TPH2: variants seen among roughly 807,000 people sequenced by gnomAD.
The protein encoded by TPH2 is tryptophan 5-hydroxylase 2.
A neutral mutation model predicts 59.1 loss-of-function variants in TPH2; 27 were observed. The ratio of observed to expected loss-of-function variants is 0.46; its 90% CI spans 0.34 to 0.63. TPH2 has a LOEUF of 0.63. Ranked by LOEUF, TPH2 falls within the 30% of genes least tolerant of loss-of-function variation. TPH2 has a pLI of 0.01. For missense variants in TPH2, 523 were observed against 588.3 expected, an observed-to-expected ratio of 0.89 and a Z score of 1.15; for synonymous variants, 220 against 210.5, an observed-to-expected ratio of 1.05 and a Z score of -0.39.
chr12:71,979,177 C>T, intron 7 of TPH2, 90 bp downstream of exon 7: 1 of 1,550,588 alleles, frequency 6.4e-7, no homozygotes, highest in Non-Finnish European at 8.9e-7. Flanking sequence ...TGTTTTACCT[C>T]CAAACTAATT....
Position 72,017,765 on chromosome 12 carries a change from T to C in TPH2, c.1069-4634T>C, listed in dbSNP as rs75935987. ...TGGAGAATTATCTGAGGAAACCAAA[T>C]TATATTTTCTTAAACGTTCATGAAG... On this transcript the variant is annotated intron_variant, in intron 8 of 10. Transcript: ENST00000333850. Among the ~76,000 whole-genome samples the C allele has an allele frequency of 5.6e-3, 852 of 152,340 alleles. 9 individuals carry two copies. The highest frequency in any genetic ancestry group is 9.6e-3 in the Non-Finnish European group (653 of 68,034).
At chr12:72,026,387 T>A (rs1873568822) in intron 9 of TPH2, among the ~76,000 whole-genome samples, 1 of 152,210 alleles carries the variant, frequency 6.6e-6, no homozygotes, top group African/African-American at 2.4e-5. Flanking sequence ...ATAGCTATTA[T>A]CAAGCTTGAA....
At chr12:71,972,941 T>C (rs1180217446) in intron 6 of TPH2, among the ~76,000 whole-genome samples, 2 of 152,198 alleles carry the variant, frequency 1.3e-5, no homozygotes, top group Non-Finnish European at 2.9e-5. Flanking sequence ...GGCTGGTTGT[T>C]GTAAATGGTA....
intron 6 of TPH2, among the ~76,000 whole-genome samples, chr12:71,973,194 G>T (rs951328627): frequency 6.6e-6 from 1 of 152,148 alleles, no homozygotes; most frequent in African/African-American, 2.4e-5. Flanking sequence ...TAGGGGCTGG[G>T]TAGAATCAGG....
At chr12:71,950,438 G>T (rs1382908771) in intron 5 of TPH2, among the ~76,000 whole-genome samples, 1 of 152,088 alleles carries the variant, frequency 6.6e-6, no homozygotes, top group Admixed American at 6.6e-5. Flanking sequence ...CAGAGTGGGG[G>T]TTACAAGGTG....
At chr12:72,029,596 C>T (rs1184793096) in intron 9 of TPH2, among the ~76,000 whole-genome samples, 1 of 152,142 alleles carries the variant, frequency 6.6e-6, no homozygotes, top group Non-Finnish European at 1.5e-5. Context: ...CCTTGATGTT[C>T]ACTGCCCTGC....
At chr12:72,021,078 T>A (rs4430554) in intron 8 of TPH2, among the ~76,000 whole-genome samples, 80,110 of 152,006 alleles carry the variant, frequency 0.53, 22,420 homozygotes, top group Non-Finnish European at 0.64. Flanking sequence ...CTTAACACCT[T>A]CAGTGCTCTA....
intron 5 of TPH2, chr12:71,964,804 G>A (rs904717736): frequency 1.1e-6 from 1 of 931,062 alleles, no homozygotes; most frequent in Non-Finnish European, 1.3e-6. Context: ...TTTACTTTAG[G>A]TTTAGGGGTA....
intron 5 of TPH2, among the ~76,000 whole-genome samples, chr12:71,968,599 G>T (rs1224829980): frequency 6.6e-6 from 1 of 152,218 alleles, no homozygotes; most frequent in Non-Finnish European, 1.5e-5. Context: ...TAAGGGTCCG[G>T]TTGGGAAAGA....
In TPH2 at chr12:72,007,880, G is replaced by A. The variant is rs182087668; in HGVS notation, c.1068+13315G>A. On this transcript the variant is annotated intron_variant, in intron 8 of 10. Coordinates refer to ENST00000333850, the MANE Select transcript of TPH2 (RefSeq NM_173353.4). ...TTTGCTTCTTTGGAAAGATGTTCTA[G>A]CAAAGGCACACTCTTATTGTATTCC... Among the ~76,000 whole-genome samples the A allele has an allele frequency of 2.5e-3, 385 of 152,096 alleles. 2 individuals carry two copies. The highest frequency in any genetic ancestry group is 8.8e-3 in the African/African-American group (365 of 41,462).
At chr12:72,021,639 A>G (rs1036391268) in intron 8 of TPH2, among the ~76,000 whole-genome samples, 1 of 152,140 alleles carries the variant, frequency 6.6e-6, no homozygotes, top group Admixed American at 6.6e-5. Flanking sequence ...CTAAGCTAGG[A>G]TGTTCAGCAG....
chr12:71,949,510 C>A, intron 4 of TPH2, 78 bp from the exon 5 acceptor site: 1 of 1,197,858 alleles, frequency 8.3e-7, no homozygotes, highest in Non-Finnish European at 1.2e-6. Context: ...ACTCAGACAC[C>A]ACAGTGATTT....
chr12:72,012,752 T>C (rs3903502), intron 8 of TPH2, among the ~76,000 whole-genome samples: 87,043 of 151,996 alleles, frequency 0.57, 25,141 homozygotes, highest in South Asian at 0.68. Flanking sequence ...ATGACATTCC[T>C]GTTAGTCCTT....
chr12:71,968,178 CAT>C (rs1243069437), intron 5 of TPH2, among the ~76,000 whole-genome samples: 1 of 152,160 alleles, frequency 6.6e-6, no homozygotes, highest in East Asian at 1.9e-4. Context: ...TGGTGTTAGG[CAT>C]AGTTTTCCTG....
intron 1 of TPH2, among the ~76,000 whole-genome samples, chr12:71,939,702 G>A (rs991327965): frequency 1.3e-5 from 2 of 152,160 alleles, no homozygotes; most frequent in Non-Finnish European, 2.9e-5. Flanking sequence ...TACACCACTT[G>A]CTATAGTATT....
rs143521944 is a variant in TPH2 at position 71,970,211 on chromosome 12, C to T, written c.609-2308C>T. ...GGTATGAGAAATCTGTTGATATGAC[C>T]GGAGGCCGACTTACTTGGGTTTAGG... On this transcript the variant is annotated intron_variant, in intron 5 of 10. Transcript: ENST00000333850. Among the ~76,000 whole-genome samples, 484 of 152,142 alleles carry T rather than the reference C, an allele frequency of 3.2e-3. 1 individual carries two copies. Among genetic ancestry groups the T allele is most frequent in the African/African-American group, 8.7e-3 (361 of 41,496 alleles).
chr12:71,972,293 T>A (rs2063190520), intron 5 of TPH2, among the ~76,000 whole-genome samples: 1 of 152,184 alleles, frequency 6.6e-6, no homozygotes, highest in Non-Finnish European at 1.5e-5. Context: ...TAAGGATGCA[T>A]GAAGATATAA....
At chr12:71,967,190 C>T (rs939152689) in intron 5 of TPH2, among the ~76,000 whole-genome samples, 1 of 152,172 alleles carries the variant, frequency 6.6e-6, no homozygotes, top group Non-Finnish European at 1.5e-5. Flanking sequence ...TGTATCTATA[C>T]CTGCCCTCAA....
chr12:72,019,281 C>T (rs1392611977), intron 8 of TPH2, among the ~76,000 whole-genome samples: 1 of 152,152 alleles, frequency 6.6e-6, no homozygotes, highest in East Asian at 1.9e-4. Flanking sequence ...CACTTTTGCT[C>T]CCCTACAATC....
Sources: allele counts gnomAD v4.1 joint callset (sites outside exome capture counted in the v4.1 genomes callset), GRCh38; gene constraint gnomAD v4.1.1; transcripts MANE v1.5; gene names NCBI Gene and HGNC (gene_info 2026-07-23, HGNC 2026-07-21).